The following ALDH1L2 variants were observed in gnomAD, a reference collection of about 807,000 sequenced individuals.
The protein encoded by ALDH1L2 is mitochondrial 10-formyltetrahydrofolate dehydrogenase.
A neutral mutation model predicts 111.0 loss-of-function variants in ALDH1L2; 91 were observed. The ratio of observed to expected loss-of-function variants is 0.82; its 90% confidence interval spans 0.69 to 0.98. The LOEUF (loss-of-function observed/expected upper bound fraction) is 0.98, where lower values mean the gene tolerates loss of function less well. Among genes scored for constraint, ALDH1L2 ranks in the 50% least tolerant of loss-of-function variants. The probability of loss-of-function intolerance (pLI) is 0.00; values close to 1 mark genes in which losing one functional copy is unlikely to be tolerated. For synonymous variants in ALDH1L2, 374 were observed against 392.6 expected, an observed-to-expected ratio of 0.95 and a Z score of 0.56; for missense variants, 995 against 1,126.8, an observed-to-expected ratio of 0.88 and a Z score of 1.67.
intron 21 of ALDH1L2, among the ~76,000 whole-genome samples, chr12:105,027,166 C>T (rs773920091): frequency 2.1e-4 from 32 of 152,234 alleles, no homozygotes; most frequent in African/African-American, 7.2e-4. Flanking sequence ...TGAGCCACTG[C>T]GCCCAGCCTG....
At position 105,052,794 on chromosome 12, in the gene ALDH1L2, C is replaced by A; in HGVS notation, c.1407+18G>T. 1 of 1,613,848 alleles carries A rather than the reference C, an allele frequency of 6.2e-7. No individual in the cohort carries two copies. Among genetic ancestry groups the A allele is most frequent in the South Asian group, 1.1e-5 (1 of 91,034 alleles). The stretch of plus-strand genomic sequence containing the variant: ...ATCCATGACCAGTGATCACTACTCA[C>A]ACTAAAGAATTACTCACAGATCCAT... On this transcript the variant is annotated intron_variant, in intron 11 of 22. Coordinates refer to ENST00000258494, the MANE Select transcript of ALDH1L2 (RefSeq NM_001034173.4).
chr12:105,031,863 AT>A lies in ALDH1L2; in HGVS notation c.2315del (p.His772LeufsTer16). On this transcript the variant is annotated frameshift_variant, in exon 20 of 23. Transcript: ENST00000258494. LOFTEE classifies it high-confidence loss of function. ...GCAGCAGCTTTTCCAGATGAGCCTT[AT>A]GATTTTGGGGCCCATGATCAGTGGA... ...DRSTDHGPQN[H>X]KAHLEKLLQY... 5.6e-6 allele frequency: 9 copies of A among 1,614,160 alleles called. No individual in the cohort carries two copies. Among genetic ancestry groups the A allele is most frequent in the Non-Finnish European group, 7.6e-6 (9 of 1,180,032 alleles).
At chr12:105,046,211 ATATATATATATTTTTTTTTTTTT>A (rs1875878886) in intron 15 of ALDH1L2, among the ~76,000 whole-genome samples, 4 of 50,862 alleles carry the variant, frequency 7.9e-5, no homozygotes, top group African/African-American at 2.8e-4. Context: ...ATATATATAT[ATATATATATATTTTTTTTTTTTT>A]TTTTTTTTTT....
chr12:105,055,156 G>A (rs1876534674), intron 10 of ALDH1L2, among the ~76,000 whole-genome samples: 1 of 152,158 alleles, frequency 6.6e-6, no homozygotes, highest in African/African-American at 2.4e-5. Flanking sequence ...GAGGCTCTGT[G>A]CAGGCAGGAA....
At chr12:105,069,871 A>G (rs1345094) in intron 3 of ALDH1L2, among the ~76,000 whole-genome samples, 92,879 of 152,046 alleles carry the variant, frequency 0.61, 28,936 homozygotes, top group Middle Eastern at 0.77. Context: ...ATAGCAATAC[A>G]AATGTTGTGC....
At chr12:105,041,903 C>G (rs909841742) in intron 15 of ALDH1L2, among the ~76,000 whole-genome samples, 8 of 152,150 alleles carry the variant, frequency 5.3e-5, no homozygotes, top group African/African-American at 1.7e-4. Flanking sequence ...TCAGGCCCAA[C>G]AAGATATTTC....
intron 10 of ALDH1L2, among the ~76,000 whole-genome samples, chr12:105,055,705 G>A (rs908136529): frequency 2.0e-5 from 3 of 151,622 alleles, no homozygotes; most frequent in African/African-American, 7.3e-5. Context: ...AGAGAATAAT[G>A]TCTTGCCAAA....
chr12:105,068,779 G>C lies in ALDH1L2; in HGVS notation c.534C>G (p.Pro178=), dbSNP rs1183530496. The change falls in exon 4 of 23, where the codon CCC becomes CCG. Residue 178 remains proline, a synonymous_variant. Coordinates refer to ENST00000258494, the MANE Select transcript of ALDH1L2 (RefSeq NM_001034173.4). ...ILLQRSCDVE[P]NDTVDALYNR... ...TATAAAGTGCATCCACTGTATCATT[G>C]GGTTCAACATCACATGATCTCTGAA... 1 of 1,606,820 alleles carries C rather than the reference G, an allele frequency of 6.2e-7. No homozygotes were observed. The highest frequency in any genetic ancestry group is 2.2e-5 in the East Asian group (1 of 44,468).
At chr12:105,046,215 ATATATATTTTTTTTTT>A (rs1875886044) in intron 15 of ALDH1L2, among the ~76,000 whole-genome samples, 12 of 37,710 alleles carry the variant, frequency 3.2e-4, no homozygotes, top group African/African-American at 1.3e-3. Context: ...ATATATATAT[ATATATATTTTTTTTTT>A]TTTTTTTTTT....
intron 17 of ALDH1L2, 79 bp from the exon 18 acceptor site, chr12:105,038,281 C>A (rs1449525253): frequency 5.2e-3 from 175 of 33,748 alleles, no homozygotes; most frequent in African/African-American, 0.032. Context: ...CACACACAAA[C>A]ACACACACAC....
Position 105,046,921 on chromosome 12 carries a change from A to G in ALDH1L2, c.1735T>C (p.Phe579Leu). 1 of 1,614,152 alleles carries G rather than the reference A, an allele frequency of 6.2e-7. No individual in the cohort carries two copies. Among genetic ancestry groups the G allele is most frequent in the Non-Finnish European group, 8.5e-7 (1 of 1,180,000 alleles). The change falls in exon 14 of 23, where the codon TTC becomes CTC. Residue 579 changes from phenylalanine to leucine, a missense_variant. Physicochemically the swap from Phe to Leu is conservative, Grantham distance 22. Transcript: ENST00000258494. ...NQARPNRNLTFTKKEPLGVCA... is the reference protein window; with the variant it reads ...NQARPNRNLTLTKKEPLGVCA... ...TACCCGAGTGGCTCTTTCTTGGTGA[A>G]GGTCAGATTGCGATTTGGACGGGCC...
chr12:105,045,169 TG>T (rs1875766407), intron 15 of ALDH1L2, among the ~76,000 whole-genome samples: 1 of 152,170 alleles, frequency 6.6e-6, no homozygotes. Context: ...CTGCAACCTC[TG>T]CCTCCTGGGT....
At chr12:105,031,536 A>G (rs1371982774) in intron 20 of ALDH1L2, among the ~76,000 whole-genome samples, 2 of 152,154 alleles carry the variant, frequency 1.3e-5, no homozygotes, top group Non-Finnish European at 2.9e-5. Context: ...GTTGGAGTGC[A>G]GTGGCTTGAT....
intron 1 of ALDH1L2, among the ~76,000 whole-genome samples, chr12:105,081,282 G>T (rs1277857076): frequency 6.6e-6 from 1 of 152,152 alleles, no homozygotes. Flanking sequence ...AGAGTCCTCA[G>T]TGTATAACAG....
intron 4 of ALDH1L2, among the ~76,000 whole-genome samples, chr12:105,067,665 G>A (rs563581015): frequency 1.8e-4 from 27 of 152,228 alleles, no homozygotes; most frequent in African/African-American, 6.3e-4. Context: ...GTGAGTTCAA[G>A]TTCTCAGATT....
chr12:105,044,821 T>C (rs1420152177), intron 15 of ALDH1L2, among the ~76,000 whole-genome samples: 2 of 151,998 alleles, frequency 1.3e-5, no homozygotes, highest in Admixed American at 6.6e-5. Context: ...TGAATATCCA[T>C]AATTATGGAT....
intron 12 of ALDH1L2, chr12:105,050,538 A>G: frequency 3.0e-6 from 1 of 335,090 alleles, no homozygotes; most frequent in South Asian, 2.4e-5. Flanking sequence ...CTGTATAATG[A>G]CTATGATACG....
intron 3 of ALDH1L2, among the ~76,000 whole-genome samples, chr12:105,069,443 A>G (rs992698522): frequency 6.6e-6 from 1 of 152,232 alleles, no homozygotes; most frequent in African/African-American, 2.4e-5. Flanking sequence ...AAATCAATCC[A>G]TCAATCACTA....
rs1255274399 is a variant in ALDH1L2, at chr12:105,020,131, T to A, written c.*4293A>T. On this transcript the variant is annotated 3_prime_UTR_variant, in exon 23 of 23. Transcript: ENST00000258494. The stretch of plus-strand genomic sequence containing the variant: ...TTTAATCCCCCTTATTTCTCATGTC[T>A]CATGCCTTATCCATCATCCCTCATA... 6.6e-6 allele frequency: 1 copy of A among 152,176 alleles called. No individual in the cohort carries two copies. The highest frequency in any genetic ancestry group is 1.5e-5 in the Non-Finnish European group (1 of 68,032). 9.4% of individuals were successfully genotyped at this position (152,176 alleles called of 1,614,324 possible). A position where few individuals can be genotyped will look rare whatever the true frequency, so the allele number is the denominator to read the frequency against.
Sources: allele counts gnomAD v4.1 joint callset (sites outside exome capture counted in the v4.1 genomes callset), GRCh38; gene constraint gnomAD v4.1.1; transcripts MANE v1.5; gene names NCBI Gene and HGNC (gene_info 2026-07-23, HGNC 2026-07-21).